HDLBP: variants seen among roughly 807,000 people sequenced by gnomAD.
HDLBP encodes vigilin.
In HDLBP, 30 loss-of-function variants were observed where a neutral mutation model predicts 137.3. The ratio of observed to expected loss-of-function variants is 0.22; its 90% CI spans 0.16 to 0.30. The LOEUF is 0.30. Ranked by LOEUF, HDLBP falls within the 10% of genes least tolerant of loss-of-function variation. HDLBP has a pLI of 1.00. For missense variants in HDLBP, 1,119 were observed against 1,667.3 expected, an observed-to-expected ratio of 0.67 and a Z score of 5.73; for synonymous variants, 606 against 596.0, an observed-to-expected ratio of 1.02 and a Z score of -0.24.
At chr2:241,305,749 GTTGT>G (rs1229142883) in intron 1 of HDLBP, among the ~76,000 whole-genome samples, 1 of 150,618 alleles carries the variant, frequency 6.6e-6, no homozygotes, top group Admixed American at 6.7e-5. Flanking sequence ...TGAATACAAA[GTTGT>G]TTATTTGTTT....
At chr2:241,310,201 G>A (rs1310693400) in intron 1 of HDLBP, among the ~76,000 whole-genome samples, 2 of 152,100 alleles carry the variant, frequency 1.3e-5, no homozygotes, top group South Asian at 2.1e-4. Context: ...TAGGAATAGA[G>A]GGAACAAGAA....
chr2:241,266,908 T>G lies in HDLBP; in HGVS notation c.-37-2A>C. 1 of 1,600,912 alleles carries G rather than the reference T, an allele frequency of 6.2e-7. No homozygotes were observed. Among genetic ancestry groups the G allele is most frequent in the Non-Finnish European group, 8.6e-7 (1 of 1,167,912 alleles). On this transcript the variant is annotated splice_acceptor_variant, in intron 2 of 27. Transcript: ENST00000310931. LOFTEE classifies it low-confidence loss of function (5UTR_SPLICE). ...CCTACACACAATCCGGGAAAACCAC[T>G]AAAGCAAAGAAGAATAAATCAGAAG...
chr2:241,244,139 A>G (rs2071492644), intron 16 of HDLBP, among the ~76,000 whole-genome samples: 1 of 152,208 alleles, frequency 6.6e-6, no homozygotes, highest in Non-Finnish European at 1.5e-5. Context: ...AGAACACTGC[A>G]AAGAATTAAT....
intron 1 of HDLBP, among the ~76,000 whole-genome samples, chr2:241,311,014 C>A (rs552432848): frequency 6.6e-6 from 1 of 151,798 alleles, no homozygotes; most frequent in South Asian, 2.1e-4. Context: ...CTTGGGAGGC[C>A]GAGGCAGGAG....
chr2:241,262,733 A>G lies in HDLBP; in HGVS notation c.428T>C (p.Ile143Thr), dbSNP rs1405298290. 1 of 1,613,906 alleles carries G rather than the reference A, an allele frequency of 6.2e-7. No individual in the cohort carries two copies. Among genetic ancestry groups the G allele is most frequent in the Non-Finnish European group, 8.5e-7 (1 of 1,179,976 alleles). Residue 143 changes from isoleucine to threonine, a missense_variant, in exon 5 of 28, where the codon ATT becomes ACT. Ile to Thr is a moderately conservative substitution (Grantham distance 89). Transcript: ENST00000310931. The stretch of plus-strand genomic sequence containing the variant: ...CACCTGAGTCTGCAGTCTAGCAACA[A>G]TGTCCTTCCGAGCTTTCATGACAGC... ...LDAVMKARKDIVARLQTQASA... is the reference protein window; with the variant it reads ...LDAVMKARKDTVARLQTQASA...
chr2:241,246,442 A>AT (rs556700996), intron 16 of HDLBP: 18 of 300,348 alleles, frequency 6.0e-5, no homozygotes, highest in Non-Finnish European at 8.1e-5. Context: ...CTGCATGTCA[A>AT]TTTTTTTTAA....
intron 1 of HDLBP, chr2:241,268,925 G>C (rs1005184876): frequency 6.6e-6 from 1 of 152,262 alleles, no homozygotes; most frequent in Admixed American, 6.5e-5. Flanking sequence ...GGCTGAACCA[G>C]AAGAAGGGTT....
rs1227871226 is a variant in HDLBP at position 241,238,458 on chromosome 2, T to A, written c.2749+191A>T. The A allele has an allele frequency of 3.1e-5, 14 of 448,016 alleles. No homozygotes were observed. The highest frequency in any genetic ancestry group is 7.5e-5 in the Admixed American group (2 of 26,828). The allele number at this position is 448,016 out of a possible 1,614,324, so 27.8% of individuals were successfully genotyped here. On this transcript the variant is annotated intron_variant, in intron 20 of 27. Transcript: ENST00000310931. The surrounding 1 kb of genome is among the most constrained non-coding windows in gnomAD (Gnocchi z 4.9). ...GGACCTATGAAGGTCACCTGGTCAC[T>A]CTGTCAGTAACTGACGTGGTCCATC...
chr2:241,238,803 CAAAG>C lies in HDLBP; in HGVS notation c.2611-20_2611-17del, dbSNP rs754193940. 2 of 1,468,230 alleles carry C rather than the reference CAAAG, an allele frequency of 1.4e-6. No homozygotes were observed. Among genetic ancestry groups the C allele is most frequent in the African/African-American group, 2.9e-5 (2 of 70,018 alleles). The allele number at this position is 1,468,230 out of a possible 1,614,324, so 91.0% of individuals were successfully genotyped here. ...CCTGAGCTTCCTGGAGGGAGGTACA[CAAAG>C]AAAAAAGAAAAGAGCAAAGATTAAA... On this transcript the variant is annotated splice_polypyrimidine_tract_variant and intron_variant, in intron 19 of 27. Coordinates refer to ENST00000310931, the MANE Select transcript of HDLBP (RefSeq NM_005336.6). This position sits in a 1 kb window ranked among gnomAD's most constrained non-coding sequence, Gnocchi z 4.9.
intron 16 of HDLBP, among the ~76,000 whole-genome samples, chr2:241,244,073 T>C (rs1439715473): frequency 6.6e-6 from 1 of 152,116 alleles, no homozygotes; most frequent in Non-Finnish European, 1.5e-5. Flanking sequence ...AGTGAACTTC[T>C]AGGGAAGAAA....
intron 1 of HDLBP, among the ~76,000 whole-genome samples, chr2:241,313,037 C>T (rs2075799517): frequency 6.6e-6 from 1 of 152,178 alleles, no homozygotes; most frequent in East Asian, 1.9e-4. Context: ...CTCCTCTTTC[C>T]TAGTCTTCCT....
chr2:241,292,596 T>C lies in HDLBP; in HGVS notation c.-103+22974A>G, dbSNP rs2075044547. Among the ~76,000 whole-genome samples, 3 of 152,344 alleles carry C rather than the reference T, an allele frequency of 2.0e-5. No individual in the cohort carries two copies. In the South Asian group the frequency reaches 6.2e-4, roughly 32 times the overall value. ...TGATGAAGGTATTGTGGTTATGTTT[T>C]TTAAAGCCGTTTCCTAAAAAATACA... On this transcript the variant is annotated intron_variant, in intron 1 of 27. Transcript: ENST00000310931.
chr2:241,264,682 C>G, intron 3 of HDLBP, 77 bp from the exon 4 acceptor site: 2 of 1,374,462 alleles, frequency 1.5e-6, no homozygotes, highest in Non-Finnish European at 2.0e-6. Flanking sequence ...GGTTTTAGTG[C>G]TTAAAAACAG....
In HDLBP at chr2:241,229,913, G is replaced by C. The variant is rs1287334000; in HGVS notation, c.3640C>G (p.Pro1214Ala). Residue 1214 changes from proline to alanine, a missense_variant, in exon 27 of 28, where the codon CCA (proline) becomes GCA (alanine). By Grantham distance (27) the Pro-to-Ala change is conservative. This residue lies in a region of HDLBP where 618 missense variants were observed against 816.7 expected (regional missense o/e 0.76). Coordinates refer to ENST00000310931, the MANE Select transcript of HDLBP (RefSeq NM_005336.6). The part of the protein sequence containing the change: ...SEALQVYMKP[P>A]AHEEAKAPSR... ...GGTGCCTTGGCCTCTTCGTGTGCTG[G>C]GGGTTTCATGTATACCTGCAGCGCC... 2 of 1,601,404 alleles carry C rather than the reference G, an allele frequency of 1.2e-6. No homozygotes were observed. Among genetic ancestry groups the C allele is most frequent in the South Asian group, 1.1e-5 (1 of 89,350 alleles).
intron 21 of HDLBP, chr2:241,236,204 C>A: frequency 4.2e-6 from 1 of 237,414 alleles, no homozygotes; most frequent in Non-Finnish European, 8.2e-6. Context: ...GCACTGAGAG[C>A]AGCATCCAGT....
intron 16 of HDLBP, among the ~76,000 whole-genome samples, chr2:241,244,053 A>G (rs1372570643): frequency 6.6e-6 from 1 of 152,226 alleles, no homozygotes; most frequent in Non-Finnish European, 1.5e-5. Context: ...TACAGAAGAT[A>G]CTAATTCAGA....
At chr2:241,296,537 A>G (rs1438901029) in intron 1 of HDLBP, among the ~76,000 whole-genome samples, 2 of 152,254 alleles carry the variant, frequency 1.3e-5, no homozygotes, top group African/African-American at 4.8e-5. Context: ...CTAATATAGA[A>G]GTCAAGATAC....
chr2:241,273,277 C>A, intron 1 of HDLBP: 1 of 966,064 alleles, frequency 1.0e-6, no homozygotes, highest in Non-Finnish European at 1.2e-6. Flanking sequence ...TTCCCTCATT[C>A]CTGCGTGCCT....
chr2:241,246,801 G>A lies in HDLBP; in HGVS notation c.1901C>T (p.Ala634Val). 1 of 1,614,152 alleles carries A rather than the reference G, an allele frequency of 6.2e-7. No individual in the cohort carries two copies. The highest frequency in any genetic ancestry group is 8.5e-7 in the Non-Finnish European group (1 of 1,179,990). The part of the protein sequence containing the change: ...SETIIITGKR[A>V]NCEAARSRIL... ...CCTGCTCCGGGCAGCTTCGCAGTTG[G>A]CTCGCTTGCCTGTGATGATAATGGT... Residue 634 changes from alanine (A) to valine (V), a missense_variant, in exon 16 of 28, where the codon GCC (alanine) becomes GTC (valine). Physicochemically the swap from Ala to Val is moderately conservative, Grantham distance 64. Transcript: ENST00000310931.
Sources: allele counts gnomAD v4.1 joint callset (sites outside exome capture counted in the v4.1 genomes callset), GRCh38; gene constraint gnomAD v4.1.1; regional missense constraint gnomAD v4.1.1; non-coding constraint Gnocchi (gnomAD v3.1); transcripts MANE v1.5; gene names NCBI Gene and HGNC (gene_info 2026-07-23, HGNC 2026-07-21).